Variants in PDP1 observed in about 807,000 individuals in gnomAD.
PDP1 encodes the protein pyruvate dehydrogenase phosphatase catalytic subunit 1, also known as pyruvate dehyrogenase phosphatase catalytic subunit 1.
Under a neutral mutation model 37.1 loss-of-function variants are expected in PDP1, and 14 were observed. The observed-to-expected ratio is 0.38, with a 90% CI of 0.25 to 0.59. The LOEUF (loss-of-function observed/expected upper bound fraction) is 0.59, where lower values mean the gene tolerates loss of function less well. Among genes scored for constraint, PDP1 ranks in the 20% least tolerant of loss-of-function variants. PDP1 has a pLI of 0.67. For synonymous variants in PDP1, 251 were observed against 243.3 expected, an observed-to-expected ratio of 1.03 and a Z score of -0.29; for missense variants, 544 against 655.3, an observed-to-expected ratio of 0.83 and a Z score of 1.85.
Position 93,923,352 on chromosome 8 carries a change from G to A in PDP1, c.1293G>A (p.Arg431=). 1 of 1,614,022 alleles carries A rather than the reference G, an allele frequency of 6.2e-7. No individual in the cohort carries two copies. Among genetic ancestry groups the A allele is most frequent in the East Asian group, 2.2e-5 (1 of 44,874 alleles). The change falls in exon 2 of 2, where the codon AGG becomes AGA. Residue 431 remains arginine, a synonymous_variant. Transcript: ENST00000297598. The surrounding 1 kb of genome is among the most constrained non-coding windows in gnomAD (Gnocchi z 4.3). ...CTATGCATAGGCAGGATGTGGTTAG[G>A]ATTGTGGGTGAGTACCTAACTGGCA... ...WETMHRQDVV[R]IVGEYLTGMH...
Position 93,922,183 on chromosome 8 carries a change from A to G in PDP1, c.124A>G (p.Ser42Gly), listed in dbSNP as rs758390717. 1 of 1,614,194 alleles carries G rather than the reference A, an allele frequency of 6.2e-7. No homozygotes were observed. Reference protein sequence around the residue: ...LCCSSSYIPQSRLRYTPHPAY... With the variant: ...LCCSSSYIPQGRLRYTPHPAY... ...TTGTTCCTCATCGTACATTCCTCAG[A>G]GTCGACTGAGATACACACCTCATCC... The change falls in exon 2 of 2, where the codon AGT becomes GGT. Residue 42 changes from serine to glycine, a missense_variant. By Grantham distance (56) the Ser-to-Gly change is moderately conservative. This residue lies in a region of PDP1 where 342 missense variants were observed against 414.0 expected (regional missense o/e 0.83). Coordinates refer to ENST00000297598, the MANE Select transcript of PDP1 (RefSeq NM_018444.4). The surrounding 1 kb of genome is among the most constrained non-coding windows in gnomAD (Gnocchi z 4.0).
chr8:93,917,567 C>CGCGA (rs1810112142), intron 1 of PDP1, among the ~76,000 whole-genome samples: 1 of 152,192 alleles, frequency 6.6e-6, no homozygotes, highest in Middle Eastern at 3.4e-3. Flanking sequence ...AGTCCATGGG[C>CGCGA]TTCGCGCCCC....
rs760776715 is a variant in PDP1, at chr8:93,923,525, A to G, written c.1466A>G (p.Asn489Ser). ...ATHLIRHAVG[N>S]NEFGTVDHER... is the part of the protein sequence containing the mutation. Reference sequence around the variant, plus strand: ...CATCTCATTCGCCACGCTGTGGGCAACAACGAGTTTGGGACTGTTGATCAT... The same window carrying G: ...CATCTCATTCGCCACGCTGTGGGCAGCAACGAGTTTGGGACTGTTGATCAT... The change falls in exon 2 of 2, where the codon AAC becomes AGC. Residue 489 changes from asparagine to serine, a missense_variant. Physicochemically the swap from Asn to Ser is conservative, Grantham distance 46. Around this residue, in one of 5 missense-constraint regions of PDP1, gnomAD observed 159 missense variants for 165.5 expected, o/e 0.96. Coordinates refer to ENST00000297598, the MANE Select transcript of PDP1 (RefSeq NM_018444.4). The surrounding 1 kb of genome is among the most constrained non-coding windows in gnomAD (Gnocchi z 4.3). 1 of 1,607,964 alleles carries G rather than the reference A, an allele frequency of 6.2e-7. No individual in the cohort carries two copies. Among genetic ancestry groups the G allele is most frequent in the African/African-American group, 1.3e-5 (1 of 74,946 alleles).
intron 1 of PDP1, among the ~76,000 whole-genome samples, chr8:93,918,682 A>T (rs1458413186): frequency 6.6e-6 from 1 of 152,336 alleles, no homozygotes; most frequent in East Asian, 1.9e-4. Flanking sequence ...CAACAGTTGT[A>T]CCTGGATGCT....
At chr8:93,919,236 T>C (rs1810182630) in intron 1 of PDP1, 1 of 553,364 alleles carries the variant, frequency 1.8e-6, no homozygotes, top group Non-Finnish European at 2.3e-6. Context: ...GTAGAAAAGA[T>C]GTCATACCAA....
chr8:93,919,796 G>C (rs1206290183), intron 1 of PDP1: 1 of 152,030 alleles, frequency 6.6e-6, no homozygotes, highest in Non-Finnish European at 1.5e-5. Context: ...TTTATTCAAA[G>C]CACAAAATGA....
chr8:93,922,099 A>G lies in PDP1; in HGVS notation c.40A>G (p.Asn14Asp). Residue 14 changes from asparagine (N) to aspartate (D), a missense_variant, in exon 2 of 2, where the codon AAC (asparagine) becomes GAC (aspartate). Physicochemically the swap from Asn to Asp is conservative, Grantham distance 23. Transcript: ENST00000297598. The surrounding 1 kb of genome is among the most constrained non-coding windows in gnomAD (Gnocchi z 4.0). ...PTQLFFPLIR[N>D]CELSRIYGTA... The stretch of plus-strand genomic sequence containing the variant: ...TCAACTGTTTTTTCCTCTCATCCGT[A>G]ACTGTGAACTGAGCAGGATCTATGG... The G allele has an allele frequency of 6.2e-7, 1 of 1,613,764 alleles. No individual in the cohort carries two copies. The highest frequency in any genetic ancestry group is 8.5e-7 in the Non-Finnish European group (1 of 1,179,694).
chr8:93,919,760 G>C (rs927422916), intron 1 of PDP1: 1 of 152,064 alleles, frequency 6.6e-6, no homozygotes, highest in African/African-American at 2.4e-5. Context: ...GATTACATTA[G>C]TTTACATTTT....
In PDP1 at chr8:93,923,211, T is replaced by G; in HGVS notation, c.1152T>G (p.Phe384Leu). ...DQLNDNEYTK[F>L]IPPNYHTPPY... ...TGAATGACAATGAATATACCAAGTT[T>G]ATTCCTCCTAATTATCACACACCTC... Residue 384 changes from phenylalanine (F) to leucine (L), a missense_variant, in exon 2 of 2, where the codon TTT becomes TTG. Coordinates refer to ENST00000297598, the MANE Select transcript of PDP1 (RefSeq NM_018444.4). This position sits in a 1 kb window ranked among gnomAD's most constrained non-coding sequence, Gnocchi z 4.3. The G allele has an allele frequency of 6.2e-7, 1 of 1,614,166 alleles. No homozygotes were observed.
Position 93,922,362 on chromosome 8 carries a change from T to G in PDP1, c.303T>G (p.Phe101Leu). ...AATACAGTTTCAAAGTGCCAGAATT[T>G]GACGGCAAAAATGTCAGTTCTATCC... Reference protein sequence around the residue: ...ANEYSFKVPEFDGKNVSSILG... With the variant: ...ANEYSFKVPELDGKNVSSILG... Residue 101 changes from phenylalanine to leucine, a missense_variant, in exon 2 of 2, where the codon TTT (phenylalanine) becomes TTG (leucine). Phe to Leu is a conservative substitution (Grantham distance 22). Transcript: ENST00000297598. This position sits in a 1 kb window ranked among gnomAD's most constrained non-coding sequence, Gnocchi z 4.0. 6.2e-7 allele frequency: 1 copy of G among 1,614,244 alleles called. No individual in the cohort carries two copies. Among genetic ancestry groups the G allele is most frequent in the Non-Finnish European group, 8.5e-7 (1 of 1,180,040 alleles).
Position 93,925,321 on chromosome 8 carries a change from G to GTT in PDP1, c.*1660_*1661dup, listed in dbSNP as rs60316663. 1.4e-4 allele frequency: 21 copies of GTT among 151,872 alleles called. No individual in the cohort carries two copies. The highest frequency in any genetic ancestry group is 1.3e-4 in the African/African-American group (5 of 38,684). 9.4% of individuals were successfully genotyped at this position (151,872 alleles called of 1,614,324 possible). A position where few individuals can be genotyped will look rare whatever the true frequency, so the allele number is the denominator to read the frequency against. Reference sequence around the variant, plus strand: ...GAGGTGTTTTTGTTTTTATTTGTGTGTTTTTTTTTTTTTAAGTCAGCTTGG... The same window carrying GTT: ...GAGGTGTTTTTGTTTTTATTTGTGTGTTTTTTTTTTTTTTTAAGTCAGCTTGG... On this transcript the variant is annotated 3_prime_UTR_variant, in exon 2 of 2. Transcript: ENST00000297598.
chr8:93,920,363 T>A (rs1810231715), intron 1 of PDP1, among the ~76,000 whole-genome samples: 1 of 152,232 alleles, frequency 6.6e-6, no homozygotes, highest in South Asian at 2.1e-4. Context: ...TGGGAAGGAA[T>A]AGTTGCTATT....
intron 1 of PDP1, chr8:93,921,809 G>A (rs182274654): frequency 2.0e-5 from 10 of 504,638 alleles, no homozygotes; most frequent in South Asian, 3.7e-5. Context: ...GAGTTCAGTC[G>A]TGGTTCCACG....
In PDP1 at chr8:93,922,522, G is replaced by A. The variant is rs1388163272; in HGVS notation, c.463G>A (p.Val155Ile). 6.2e-7 allele frequency: 1 copy of A among 1,613,832 alleles called. No individual in the cohort carries two copies. The highest frequency in any genetic ancestry group is 1.3e-5 in the African/African-American group (1 of 74,918). ...GHAGCACSQA[V>I]SERLFYYIAV... ...TGCAGGTTGTGCTTGTTCCCAGGCA[G>A]TCAGTGAAAGACTCTTTTATTATAT... Residue 155 changes from valine (V) to isoleucine (I), a missense_variant, in exon 2 of 2, where the codon GTC (valine) becomes ATC (isoleucine). Val to Ile is a conservative substitution (Grantham distance 29). Around this residue, in one of 5 missense-constraint regions of PDP1, gnomAD observed 342 missense variants for 414.0 expected, o/e 0.83. Coordinates refer to ENST00000297598, the MANE Select transcript of PDP1 (RefSeq NM_018444.4). The surrounding 1 kb of genome is among the most constrained non-coding windows in gnomAD (Gnocchi z 4.0).
At position 93,925,063 on chromosome 8, in the gene PDP1, T is replaced by TA. The variant is rs1456336913; in HGVS notation, c.*1391dup. 1 of 167,076 alleles carries TA rather than the reference T, an allele frequency of 6.0e-6. No individual in the cohort carries two copies. The highest frequency in any genetic ancestry group is 2.4e-5 in the African/African-American group (1 of 41,472). The allele number at this position is 167,076 out of a possible 1,614,324, so 10.3% of individuals were successfully genotyped here. A position where few individuals can be genotyped will look rare whatever the true frequency, so the allele number is the denominator to read the frequency against. On this transcript the variant is annotated 3_prime_UTR_variant, in exon 2 of 2. Coordinates refer to ENST00000297598, the MANE Select transcript of PDP1 (RefSeq NM_018444.4). ...CTAGCATCACTGTTAAGGCTGTGATTATGTTTGATATTCACCTGGATTTTA... is the reference window on the plus strand; with the variant it reads ...CTAGCATCACTGTTAAGGCTGTGATTAATGTTTGATATTCACCTGGATTTTA...
chr8:93,921,799 G>T, intron 1 of PDP1: 1 of 492,570 alleles, frequency 2.0e-6, no homozygotes. Flanking sequence ...TAGGAGCCAG[G>T]AGTTCAGTCG....
chr8:93,919,825 C>T (rs1461115912), intron 1 of PDP1: 3 of 152,132 alleles, frequency 2.0e-5, no homozygotes, highest in Non-Finnish European at 4.4e-5. Flanking sequence ...GCTTTCTGCA[C>T]GCAAACCTAA....
At position 93,922,155 on chromosome 8, in the gene PDP1, C is replaced by T; in HGVS notation, c.96C>T (p.Leu32=). The change falls in exon 2 of 2, where the codon CTC becomes CTT. Residue 32 remains leucine, a synonymous_variant. Coordinates refer to ENST00000297598, the MANE Select transcript of PDP1 (RefSeq NM_018444.4). The surrounding 1 kb of genome is among the most constrained non-coding windows in gnomAD (Gnocchi z 4.0). ...CATGTTACTGCCACCACAAACATCT[C>T]TGTTGTTCCTCATCGTACATTCCTC... ...GTACYCHHKH[L]CCSSSYIPQS... 1 of 1,614,226 alleles carries T rather than the reference C, an allele frequency of 6.2e-7. No individual in the cohort carries two copies.
Position 93,923,175 on chromosome 8 carries a change from C to G in PDP1, c.1116C>G (p.Gly372=). ...IDLQKRVIES[G]PDQLNDNEYT... is the part of the protein sequence containing the mutation. Reference sequence around the variant, plus strand: ...TTCAAAAGAGAGTGATAGAATCTGGCCCAGACCAGTTGAATGACAATGAAT... The same window carrying G: ...TTCAAAAGAGAGTGATAGAATCTGGGCCAGACCAGTTGAATGACAATGAAT... The change falls in exon 2 of 2, where the codon GGC becomes GGG. Residue 372 remains glycine, a synonymous_variant. Transcript: ENST00000297598. This position sits in a 1 kb window ranked among gnomAD's most constrained non-coding sequence, Gnocchi z 4.3. 1 of 1,614,072 alleles carries G rather than the reference C, an allele frequency of 6.2e-7. No homozygotes were observed. The highest frequency in any genetic ancestry group is 8.5e-7 in the Non-Finnish European group (1 of 1,179,958).
Sources: gnomAD v4.1 joint callset for allele counts (sites outside exome capture counted in the v4.1 genomes callset) on GRCh38, gnomAD v4.1.1 for gene constraint, gnomAD v4.1.1 regional missense constraint, Gnocchi (gnomAD v3.1) non-coding constraint, MANE v1.5 for transcripts, NCBI Gene and HGNC (gene_info 2026-07-23, HGNC 2026-07-21) for gene names.